PHF24: variants seen among roughly 807,000 people sequenced by gnomAD.
PHF24 encodes the protein PHD finger protein 24, also known as Galpha inhibitory interacting protein.
A neutral mutation model predicts 42.6 loss-of-function variants in PHF24; 25 were observed. The observed-to-expected ratio is 0.59, with a 90% CI of 0.43 to 0.82. The LOEUF is 0.82. Ranked by LOEUF, PHF24 falls within the 40% of genes least tolerant of loss-of-function variation. PHF24 has a pLI of 0.00. For synonymous variants in PHF24, 185 were observed against 204.8 expected (o/e 0.90, Z 0.83); for missense variants, 470 against 538.1 (o/e 0.87, Z 1.25).
At chr9:34,979,747 G>A (rs1189841855) in exon 8 of PHF24, 3 of 152,204 alleles carry the variant, frequency 2.0e-5, no homozygotes, top group Non-Finnish European at 4.4e-5. Context: ...GTCTCCTCCT[G>A]TAGGAACCAC....
exon 8 of PHF24, chr9:34,980,179 A>G (rs1827341143): frequency 2.0e-5 from 3 of 152,206 alleles, no homozygotes; most frequent in Non-Finnish European, 4.4e-5. Context: ...CTGGAAGTCC[A>G]TCTTGTTCCC....
chr9:34,977,377 G>A, intron 6 of PHF24, 134 bp downstream of exon 6: 2 of 1,250,126 alleles, frequency 1.6e-6, no homozygotes, highest in South Asian at 1.4e-5. Context: ...GGTAGAGGAT[G>A]GTGATGCCTA....
the PHF24 span, chr9:34,709,594 T>C: frequency 2.5e-5 from 40 of 1,614,048 alleles, no homozygotes; most frequent in Middle Eastern, 1.6e-4. Flanking sequence ...GGGGATGGTG[T>C]CTTGTCCAGA....
At chr9:34,820,155 T>C in the PHF24 span, among the ~76,000 whole-genome samples, 1 of 149,562 alleles carries the variant, frequency 6.7e-6, no homozygotes, top group Non-Finnish European at 1.5e-5. Context: ...TATATATAAA[T>C]GTATATATTA....
chr9:34,949,293 G>A, the PHF24 span, among the ~76,000 whole-genome samples: 20 of 152,230 alleles, frequency 1.3e-4, no homozygotes, highest in Non-Finnish European at 2.4e-4. Flanking sequence ...CAAAACCACC[G>A]TGAAATACCA....
chr9:34,820,043 G>A, the PHF24 span, among the ~76,000 whole-genome samples: 9 of 151,322 alleles, frequency 5.9e-5, no homozygotes, highest in African/African-American at 2.2e-4. Context: ...TGAAATGATC[G>A]TTAATCTGGT....
the PHF24 span, chr9:34,723,346 C>T: frequency 1.9e-6 from 3 of 1,551,672 alleles, no homozygotes; most frequent in South Asian, 2.4e-5. Context: ...GTAGCCGGAG[C>T]TTATCGTCTA....
At chr9:34,968,418 A>T (rs1826855085) in intron 1 of PHF24, among the ~76,000 whole-genome samples, 1 of 152,342 alleles carries the variant, frequency 6.6e-6, no homozygotes, top group African/African-American at 2.4e-5. Flanking sequence ...TCTTCAATAA[A>T]TCTCCTGTGC....
chr9:34,837,574 G>T, the PHF24 span: 2 of 1,108,388 alleles, frequency 1.8e-6, no homozygotes, highest in Non-Finnish European at 2.6e-6. Flanking sequence ...CTGGCTCTTG[G>T]CTCCAGGGGT....
chr9:34,806,353 T>TA, the PHF24 span, among the ~76,000 whole-genome samples: 1 of 152,188 alleles, frequency 6.6e-6, no homozygotes, highest in Non-Finnish European at 1.5e-5. Flanking sequence ...AAATGGGGTT[T>TA]AAAAAAATCT....
chr9:34,848,696 G>T, the PHF24 span, among the ~76,000 whole-genome samples: 1 of 151,380 alleles, frequency 6.6e-6, no homozygotes, highest in East Asian at 1.9e-4. Flanking sequence ...TGATATTAGG[G>T]TGTCCATTTT....
the PHF24 span, chr9:34,691,208 G>T: frequency 2.8e-6 from 4 of 1,435,108 alleles, no homozygotes; most frequent in Non-Finnish European, 3.9e-6. Flanking sequence ...TGCAGGATCT[G>T]TGTGAGGCTG....
the PHF24 span, among the ~76,000 whole-genome samples, chr9:34,941,511 T>C: frequency 6.6e-6 from 1 of 152,156 alleles, no homozygotes. Context: ...AATAAGTCAT[T>C]TGTCCTTCTA....
At chr9:34,980,106 G>A (rs1044755028) in exon 8 of PHF24, 6 of 152,254 alleles carry the variant, frequency 3.9e-5, no homozygotes, top group African/African-American at 1.4e-4. Flanking sequence ...ATTTTGAGTA[G>A]AGACAAGCTC....
the PHF24 span, among the ~76,000 whole-genome samples, chr9:34,681,888 G>A: frequency 6.6e-6 from 1 of 152,290 alleles, no homozygotes; most frequent in African/African-American, 2.4e-5. Context: ...GAAGAGGAAG[G>A]GACCTCTCTT....
chr9:34,699,482 C>A, the PHF24 span, among the ~76,000 whole-genome samples: 11 of 152,222 alleles, frequency 7.2e-5, no homozygotes, highest in Non-Finnish European at 8.8e-5. Context: ...TGCAACAACC[C>A]TGCTCTCACC....
At chr9:34,940,296 CAG>C in the PHF24 span, among the ~76,000 whole-genome samples, 1 of 152,144 alleles carries the variant, frequency 6.6e-6, no homozygotes, top group East Asian at 1.9e-4. Flanking sequence ...CAAAGACACA[CAG>C]AAGCAGTCCA....
At chr9:34,936,056 T>C in the PHF24 span, among the ~76,000 whole-genome samples, 5 of 135,532 alleles carry the variant, frequency 3.7e-5, no homozygotes, top group African/African-American at 1.4e-4. Flanking sequence ...CCACCCCCTC[T>C]CCCTCTCCCT....
At chr9:34,853,604 G>A in the PHF24 span, among the ~76,000 whole-genome samples, 3 of 151,824 alleles carry the variant, frequency 2.0e-5, no homozygotes, top group Non-Finnish European at 4.4e-5. Flanking sequence ...CGAGGTGGGC[G>A]GATCACGAGG....
Sources: gnomAD v4.1 joint callset for allele counts (sites outside exome capture counted in the v4.1 genomes callset) on GRCh38, gnomAD v4.1.1 for gene constraint, MANE v1.5 for transcripts, NCBI Gene and HGNC (gene_info 2026-07-23, HGNC 2026-07-21) for gene names.